The following RNF19A variants were observed in gnomAD, a reference collection of about 807,000 sequenced individuals.
The protein encoded by RNF19A is ring finger protein 19A, RBR E3 ubiquitin protein ligase, also known as E3 ubiquitin-protein ligase RNF19A.
RNF19A carries 32 observed loss-of-function variants against 75.7 expected under a neutral mutation model. The observed-to-expected ratio is 0.42, with a 90% confidence interval of 0.32 to 0.57. RNF19A has a LOEUF of 0.57. RNF19A is among the 20% of genes least tolerant of loss of function. RNF19A has a pLI of 0.10. For missense variants in RNF19A, 782 were observed against 1,036.3 expected, an observed-to-expected ratio of 0.75 and a Z score of 3.37; for synonymous variants, 335 against 345.2, an observed-to-expected ratio of 0.97 and a Z score of 0.33.
intron 1 of RNF19A, among the ~76,000 whole-genome samples, chr8:100,291,824 G>A (rs900520335): frequency 1.3e-4 from 20 of 152,202 alleles, no homozygotes; most frequent in Admixed American, 2.0e-4. Flanking sequence ...CTAAATGTAA[G>A]AGCAGTGTAC....
Position 100,264,543 on chromosome 8 carries a change from T to C in RNF19A, c.1306+128A>G. ...CTAGGCTCTTGAATCTGTAATACTT[T>C]CAACCAAGACTTACTGCAGGCTCAA... On this transcript the variant is annotated intron_variant, in intron 6 of 9. Transcript: ENST00000341084. The surrounding 1 kb of genome is among the most constrained non-coding windows in gnomAD (Gnocchi z 4.7). The C allele has an allele frequency of 1.5e-6, 1 of 669,720 alleles. No individual in the cohort carries two copies. The highest frequency in any genetic ancestry group is 2.5e-6 in the Non-Finnish European group (1 of 392,332). The allele number at this position is 669,720 out of a possible 1,614,324, so 41.5% of individuals were successfully genotyped here. A position where few individuals can be genotyped will look rare whatever the true frequency, so the allele number is the denominator to read the frequency against.
intron 1 of RNF19A, among the ~76,000 whole-genome samples, chr8:100,318,104 C>T (rs746646661): frequency 6.6e-6 from 1 of 152,100 alleles, no homozygotes; most frequent in African/African-American, 2.4e-5. Flanking sequence ...TTTATAGGAG[C>T]CATGAAACTT....
At position 100,264,496 on chromosome 8, in the gene RNF19A, C is replaced by G. The variant is rs1489442198; in HGVS notation, c.1306+175G>C. Reference sequence around the variant, plus strand: ...GGGGAGGAAGGGTATCAGCCACTAACAATTTACCAACTACTTTAAGGCTAG... The same window carrying G: ...GGGGAGGAAGGGTATCAGCCACTAAGAATTTACCAACTACTTTAAGGCTAG... On this transcript the variant is annotated intron_variant, in intron 6 of 9. Coordinates refer to ENST00000341084, the MANE Select transcript of RNF19A (RefSeq NM_183419.4). This position sits in a 1 kb window ranked among gnomAD's most constrained non-coding sequence, Gnocchi z 4.7. 1.7e-6 allele frequency: 1 copy of G among 596,712 alleles called. No individual in the cohort carries two copies. Among genetic ancestry groups the G allele is most frequent in the Non-Finnish European group, 2.9e-6 (1 of 341,624 alleles). 37.0% of individuals were successfully genotyped at this position (596,712 alleles called of 1,614,324 possible).
Position 100,269,040 on chromosome 8 carries a change from C to T in RNF19A, c.1029-93G>A, listed in dbSNP as rs910766072. 13 of 1,044,548 alleles carry T rather than the reference C, an allele frequency of 1.2e-5. No homozygotes were observed. The African/African-American group carries it at 2.2e-4, about 17-fold the overall frequency. 64.7% of individuals were successfully genotyped at this position (1,044,548 alleles called of 1,614,324 possible). Reference sequence around the variant, plus strand: ...TTAAAACAATGACTATTTTTAAAAACTTCTCATAGTTAGGAGCTTTTTTCC... The same window carrying T: ...TTAAAACAATGACTATTTTTAAAAATTTCTCATAGTTAGGAGCTTTTTTCC... On this transcript the variant is annotated intron_variant, in intron 4 of 9. Coordinates refer to ENST00000341084, the MANE Select transcript of RNF19A (RefSeq NM_183419.4). This position sits in a 1 kb window ranked among gnomAD's most constrained non-coding sequence, Gnocchi z 5.7.
chr8:100,304,227 GCTGGAATTA>G (rs1378234635), intron 1 of RNF19A, among the ~76,000 whole-genome samples: 5 of 152,084 alleles, frequency 3.3e-5, no homozygotes, highest in Admixed American at 3.3e-4. Context: ...CTCCCAAAGT[GCTGGAATTA>G]CAAGCATGAG....
chr8:100,329,789 T>G lies in RNF19A; in HGVS notation c.-243+6319A>C, dbSNP rs1027261532. The stretch of plus-strand genomic sequence containing the variant: ...AAGAAGAAGTAGCTTCATGGTTTGT[T>G]AATCCAGAGGGCAAACTGAGTACTA... On this transcript the variant is annotated intron_variant, in intron 1 of 3. Coordinates refer to the RNF19A transcript ENST00000519527. This position sits in a 1 kb window ranked among gnomAD's most constrained non-coding sequence, Gnocchi z 4.3. Among the ~76,000 whole-genome samples the G allele has an allele frequency of 6.6e-6, 1 of 152,204 alleles. No individual in the cohort carries two copies. The highest frequency in any genetic ancestry group is 1.5e-5 in the Non-Finnish European group (1 of 68,040).
Position 100,322,584 on chromosome 8 carries a change from T to G in RNF19A, c.-242-9212A>C, listed in dbSNP as rs1360244500. 6.6e-6 allele frequency among the ~76,000 whole-genome samples: 1 copy of G among 152,260 alleles called. No homozygotes were observed. The highest frequency in any genetic ancestry group is 2.4e-5 in the African/African-American group (1 of 41,468). ...TAACATCCTTCAAGAACTTTTCCTT[T>G]GCATTTACAACTTGGCTAACTGGCA... On this transcript the variant is annotated intron_variant, in intron 1 of 3. Coordinates refer to the RNF19A transcript ENST00000519527. The surrounding 1 kb of genome is among the most constrained non-coding windows in gnomAD (Gnocchi z 5.1).
At chr8:100,312,629 A>G (rs997647529), upstream of RNF19A, among the ~76,000 whole-genome samples, 1 of 146,390 alleles carries the variant, frequency 6.8e-6, no homozygotes, top group Non-Finnish European at 1.6e-5. Context: ...GAGGGAGAGA[A>G]AGAAAGAAAG....
intron 1 of RNF19A, among the ~76,000 whole-genome samples, chr8:100,305,063 G>A (rs1249075910): frequency 3.3e-5 from 5 of 152,104 alleles, no homozygotes; most frequent in African/African-American, 4.8e-5. Context: ...AGCCTCCCTA[G>A]TAGCTGGCAT....
chr8:100,275,194 G>T lies in RNF19A; in HGVS notation c.675-33C>A, dbSNP rs1026151358. On this transcript the variant is annotated intron_variant, in intron 2 of 9. Coordinates refer to ENST00000341084, the MANE Select transcript of RNF19A (RefSeq NM_183419.4). This position sits in a 1 kb window ranked among gnomAD's most constrained non-coding sequence, Gnocchi z 4.3. ...GAACAAGAAAAATGATTTAAAATGT[G>T]ACATAAAACAAGAGATACTCATTTC... is the stretch of plus-strand genomic sequence containing the variant. 1.3e-6 allele frequency: 2 copies of T among 1,580,840 alleles called. No individual in the cohort carries two copies. Among genetic ancestry groups the T allele is most frequent in the Non-Finnish European group, 1.7e-6 (2 of 1,151,042 alleles).
Position 100,258,452 on chromosome 8 carries a change from A to G in RNF19A, c.*104T>C. On this transcript the variant is annotated 3_prime_UTR_variant, in exon 10 of 10. Transcript: ENST00000341084. This position sits in a 1 kb window ranked among gnomAD's most constrained non-coding sequence, Gnocchi z 4.3. ...AAAATGTATCTGCATTATGATAATGAAACCCGGCTTTTGCTGGTAACCTGA... is the reference window on the plus strand; with the variant it reads ...AAAATGTATCTGCATTATGATAATGGAACCCGGCTTTTGCTGGTAACCTGA... 1.1e-6 allele frequency: 1 copy of G among 911,912 alleles called. No individual in the cohort carries two copies. Among genetic ancestry groups the G allele is most frequent in the Non-Finnish European group, 1.7e-6 (1 of 592,534 alleles). The allele number at this position is 911,912 out of a possible 1,614,324, so 56.5% of individuals were successfully genotyped here. A position where few individuals can be genotyped will look rare whatever the true frequency, so the allele number is the denominator to read the frequency against.
chr8:100,283,785 A>G (rs2129869751), intron 2 of RNF19A, among the ~76,000 whole-genome samples: 1 of 152,324 alleles, frequency 6.6e-6, no homozygotes, highest in Admixed American at 6.5e-5. Context: ...GCATTTCTGG[A>G]AAAGAACCTT....
At chr8:100,304,343 T>G (rs1205503010) in intron 1 of RNF19A, among the ~76,000 whole-genome samples, 2 of 152,192 alleles carry the variant, frequency 1.3e-5, no homozygotes, top group African/African-American at 4.8e-5. Flanking sequence ...AAGTCACAAC[T>G]GCCTACCAGG....
At position 100,275,197 on chromosome 8, in the gene RNF19A, A is replaced by T. The variant is rs375974753; in HGVS notation, c.675-36T>A. On this transcript the variant is annotated intron_variant, in intron 2 of 9. Transcript: ENST00000341084. The surrounding 1 kb of genome is among the most constrained non-coding windows in gnomAD (Gnocchi z 4.3). ...CAAGAAAAATGATTTAAAATGTGAC[A>T]TAAAACAAGAGATACTCATTTCAAA... is the stretch of plus-strand genomic sequence containing the variant. The T allele has an allele frequency of 3.8e-6, 6 of 1,571,480 alleles. No individual in the cohort carries two copies. Among genetic ancestry groups the T allele is most frequent in the Non-Finnish European group, 5.3e-6 (6 of 1,142,352 alleles).
At chr8:100,320,591 G>T (rs1822452024) in intron 1 of RNF19A, among the ~76,000 whole-genome samples, 1 of 152,166 alleles carries the variant, frequency 6.6e-6, no homozygotes, top group African/African-American at 2.4e-5. Context: ...TCCAGTACAA[G>T]GTCTAAAATG....
Position 100,259,384 on chromosome 8 carries a change from T to TA in RNF19A, c.1827-139dup. ...ACCTTAACGCAGAACACGTTCTACT[T>TA]AAAAAACATACTTGATATAACAGAA... On this transcript the variant is annotated intron_variant, in intron 9 of 9. Transcript: ENST00000341084. The surrounding 1 kb of genome is among the most constrained non-coding windows in gnomAD (Gnocchi z 4.5). 1 of 652,180 alleles carries TA rather than the reference T, an allele frequency of 1.5e-6. No individual in the cohort carries two copies. The highest frequency in any genetic ancestry group is 2.6e-6 in the Non-Finnish European group (1 of 381,670). The allele number at this position is 652,180 out of a possible 1,614,324, so 40.4% of individuals were successfully genotyped here.
intron 1 of RNF19A, among the ~76,000 whole-genome samples, chr8:100,318,068 T>C (rs1289892424): frequency 6.6e-6 from 1 of 152,128 alleles, no homozygotes; most frequent in Non-Finnish European, 1.5e-5. Context: ...CCCTGTGGTA[T>C]AATACTTCGG....
chr8:100,284,529 C>T lies in RNF19A; in HGVS notation c.674+2972G>A, dbSNP rs1011905598. ...AATTAATGTATGGCCAAATTAATCA[C>T]GGACAATTATTTGTTAAATTTATAT... On this transcript the variant is annotated intron_variant, in intron 2 of 9. Coordinates refer to ENST00000341084, the MANE Select transcript of RNF19A (RefSeq NM_183419.4). This position sits in a 1 kb window ranked among gnomAD's most constrained non-coding sequence, Gnocchi z 4.3. 1.1e-4 allele frequency among the ~76,000 whole-genome samples: 17 copies of T among 152,032 alleles called. No individual in the cohort carries two copies. The highest frequency in any genetic ancestry group is 3.4e-4 in the African/African-American group (14 of 41,416).
intron 1 of RNF19A, among the ~76,000 whole-genome samples, chr8:100,304,503 C>A (rs564053484): frequency 6.6e-6 from 1 of 152,204 alleles, no homozygotes; most frequent in African/African-American, 2.4e-5. Context: ...CCCCCACTTA[C>A]GCACTCACAT....
Sources: gnomAD v4.1 joint callset for allele counts (sites outside exome capture counted in the v4.1 genomes callset) on GRCh38, gnomAD v4.1.1 for gene constraint, Gnocchi (gnomAD v3.1) non-coding constraint, MANE v1.5 for transcripts, NCBI Gene and HGNC (gene_info 2026-07-23, HGNC 2026-07-21) for gene names.